Variants in DLG2 observed in about 807,000 individuals in gnomAD.
The protein encoded by DLG2 is discs large MAGUK scaffold protein 2, also known as disks large homolog 2.
Under a neutral mutation model 132.5 loss-of-function variants are expected in DLG2, and 45 were observed. That is an observed-to-expected ratio of 0.34 (90% confidence interval 0.27 to 0.44). The LOEUF (loss-of-function observed/expected upper bound fraction) is 0.44, where lower values mean the gene tolerates loss of function less well. DLG2 is among the 20% of genes least tolerant of loss of function. The pLI, the probability that DLG2 is intolerant of heterozygous loss-of-function variation, is 1.00. For missense variants in DLG2, 1,045 were observed against 1,196.9 expected, an observed-to-expected ratio of 0.87 and a Z score of 1.87; for synonymous variants, 424 against 419.6, an observed-to-expected ratio of 1.01 and a Z score of -0.13.
chr11:84,519,180 A>C (rs924117213), intron 7 of DLG2, among the ~76,000 whole-genome samples: 6 of 152,194 alleles, frequency 3.9e-5, no homozygotes, highest in Non-Finnish European at 7.3e-5. Context: ...AGAAGAATTC[A>C]GTTCAGGTGC....
chr11:85,208,452 AACAATTT>A lies in DLG2; in HGVS notation c.187-53808_187-53802del, dbSNP rs1389255117. Among the ~76,000 whole-genome samples the A allele has an allele frequency of 1.8e-4, 27 of 150,130 alleles. No individual in the cohort carries two copies. The East Asian group carries it at 5.3e-3, about 30-fold the overall frequency. On this transcript the variant is annotated intron_variant, in intron 4 of 27. Coordinates refer to ENST00000376104, the MANE Select transcript of DLG2 (RefSeq NM_001142699.3). ...ATAGCTAAGGCATGCAGAAAAAAAAAACAATTTCAATTTCAATATGATACTCTTAGAA... is the reference window on the plus strand; with the variant it reads ...ATAGCTAAGGCATGCAGAAAAAAAAACAATTTCAATATGATACTCTTAGAA...
intron 7 of DLG2, among the ~76,000 whole-genome samples, chr11:84,262,405 TTTCTCAAAC>T (rs2097558580): frequency 6.6e-6 from 1 of 152,200 alleles, no homozygotes; most frequent in Non-Finnish European, 1.5e-5. Context: ...ATCTACAGCA[TTTCTCAAAC>T]TTTCCAGATA....
intron 3 of DLG2, among the ~76,000 whole-genome samples, chr11:85,528,757 CT>C (rs2074976572): frequency 1.3e-5 from 2 of 152,178 alleles, no homozygotes; most frequent in Non-Finnish European, 2.9e-5. Flanking sequence ...GTTTAATTAT[CT>C]GCTATAGTTG....
chr11:84,967,659 G>T (rs905940105), intron 6 of DLG2, among the ~76,000 whole-genome samples: 3 of 152,060 alleles, frequency 2.0e-5, no homozygotes, highest in African/African-American at 7.2e-5. Flanking sequence ...TGAAGAACAT[G>T]ATATACCTGC....
At chr11:84,652,809 A>G (rs929575762) in intron 6 of DLG2, among the ~76,000 whole-genome samples, 3 of 152,178 alleles carry the variant, frequency 2.0e-5, no homozygotes, top group Admixed American at 6.5e-5. Flanking sequence ...TGACTTACCC[A>G]ATGCACAGAG....
At chr11:84,051,519 C>T (rs1308915256) in intron 11 of DLG2, among the ~76,000 whole-genome samples, 1 of 149,716 alleles carries the variant, frequency 6.7e-6, no homozygotes, top group Non-Finnish European at 1.5e-5. Context: ...CAAACTATCG[C>T]AAGGACAAAA....
intron 18 of DLG2, among the ~76,000 whole-genome samples, chr11:83,759,051 A>T (rs2093779263): frequency 1.3e-5 from 2 of 152,218 alleles, no homozygotes; most frequent in Admixed American, 1.3e-4. Flanking sequence ...TATACATTGA[A>T]TATCTAATAT....
At chr11:84,382,832 C>T (rs567224876) in intron 7 of DLG2, among the ~76,000 whole-genome samples, 1 of 151,804 alleles carries the variant, frequency 6.6e-6, no homozygotes, top group Non-Finnish European at 1.5e-5. Context: ...ATTAGTTGCA[C>T]CTCCTCTCCA....
intron 16 of DLG2, among the ~76,000 whole-genome samples, chr11:83,867,123 G>A (rs2062542723): frequency 6.6e-6 from 1 of 152,136 alleles, no homozygotes; most frequent in Admixed American, 6.6e-5. Flanking sequence ...GCTCTACTTT[G>A]TATTTTAATG....
At chr11:84,444,215 A>G (rs1369371157) in intron 7 of DLG2, among the ~76,000 whole-genome samples, 2 of 152,044 alleles carry the variant, frequency 1.3e-5, no homozygotes, top group South Asian at 2.1e-4. Flanking sequence ...ACTGGGGCCT[A>G]TCGGGTGTGG....
chr11:85,064,538 T>C (rs2064600253), intron 6 of DLG2, among the ~76,000 whole-genome samples: 1 of 151,718 alleles, frequency 6.6e-6, no homozygotes, highest in Non-Finnish European at 1.5e-5. Flanking sequence ...TATCTCCTAA[T>C]TATACATTTT....
At chr11:84,445,837 A>C (rs1166824919) in intron 7 of DLG2, among the ~76,000 whole-genome samples, 1 of 147,310 alleles carries the variant, frequency 6.8e-6, no homozygotes, top group Non-Finnish European at 1.5e-5. Context: ...AATGGCGTGA[A>C]CCCGGGAGGC....
At chr11:84,102,887 A>G (rs2092644667) in intron 9 of DLG2, among the ~76,000 whole-genome samples, 1 of 152,142 alleles carries the variant, frequency 6.6e-6, no homozygotes, top group Admixed American at 6.6e-5. Flanking sequence ...TTTTGAATTG[A>G]CTACAATATG....
At chr11:83,926,781 CACAGAGA>C (rs1197826904) in intron 15 of DLG2, among the ~76,000 whole-genome samples, 6 of 152,026 alleles carry the variant, frequency 3.9e-5, no homozygotes, top group African/African-American at 1.4e-4. Context: ...TATTCAAGAA[CACAGAGA>C]ACAGCACACA....
intron 3 of DLG2, among the ~76,000 whole-genome samples, chr11:85,454,689 A>C (rs542744516): frequency 6.6e-6 from 1 of 152,138 alleles, no homozygotes; most frequent in Non-Finnish European, 1.5e-5. Flanking sequence ...TCTTTAATAC[A>C]TCTTCAGTTG....
At chr11:83,599,481 A>G (rs1464851246) in intron 19 of DLG2, among the ~76,000 whole-genome samples, 1 of 152,096 alleles carries the variant, frequency 6.6e-6, no homozygotes, top group Non-Finnish European at 1.5e-5. Flanking sequence ...ACACTTACCA[A>G]TCCTTCAAAA....
chr11:84,973,790 A>C (rs1442906575), intron 6 of DLG2, among the ~76,000 whole-genome samples: 1 of 152,206 alleles, frequency 6.6e-6, no homozygotes, highest in African/African-American at 2.4e-5. Context: ...GTGGCCATAC[A>C]TAATAGGTAA....
rs545092437 is a variant in DLG2 at position 84,433,312 on chromosome 11, C to A, written c.519+101258G>T. Among the ~76,000 whole-genome samples, 19 of 152,262 alleles carry A rather than the reference C, an allele frequency of 1.2e-4. No individual in the cohort carries two copies. The East Asian group carries it at 1.7e-3, about 14-fold the overall frequency. ...GGTATTTTAATACTCTTGTATATTA[C>A]TACGTAACCAGAAATTGCACTTTCA... On this transcript the variant is annotated intron_variant, in intron 7 of 27. Transcript: ENST00000376104.
At chr11:84,119,388 T>C (rs1399616882) in intron 9 of DLG2, among the ~76,000 whole-genome samples, 1 of 151,886 alleles carries the variant, frequency 6.6e-6, no homozygotes, top group Admixed American at 6.6e-5. Context: ...GATGAGACCA[T>C]ATGCAGATGA....
Sources: allele counts gnomAD v4.1 joint callset (sites outside exome capture counted in the v4.1 genomes callset), GRCh38; gene constraint gnomAD v4.1.1; transcripts MANE v1.5; gene names NCBI Gene and HGNC (gene_info 2026-07-23, HGNC 2026-07-21).